The following ENAH variants were observed in gnomAD, a reference collection of about 807,000 sequenced individuals.
ENAH encodes the protein ENAH actin regulator, also known as protein enabled homolog.
Under a neutral mutation model 78.7 loss-of-function variants are expected in ENAH, and 23 were observed. That is an observed-to-expected ratio of 0.29 (90% CI 0.21 to 0.41). The LOEUF is 0.41. Among genes scored for constraint, ENAH ranks in the 10% least tolerant of loss-of-function variants. ENAH has a pLI of 1.00. For missense variants in ENAH, 544 were observed against 691.0 expected (o/e 0.79, Z 2.39); for synonymous variants, 226 against 241.0 (o/e 0.94, Z 0.58).
At position 225,494,256 on chromosome 1, in the gene ENAH, A is replaced by G. The variant is rs1287474871; in HGVS notation, c.*3519T>C. The G allele has an allele frequency of 6.6e-6, 1 of 152,106 alleles. No individual in the cohort carries two copies. Among genetic ancestry groups the G allele is most frequent in the Non-Finnish European group, 1.5e-5 (1 of 67,996 alleles). The allele number at this position is 152,106 out of a possible 1,614,324, so 9.4% of individuals were successfully genotyped here. On this transcript the variant is annotated 3_prime_UTR_variant, in exon 14 of 14. Coordinates refer to ENST00000366843, the MANE Select transcript of ENAH (RefSeq NM_018212.6). ...TTTTTGTATTTCTAATGAAGACATC[A>G]GAATTATAAAATGGAACTCAAAATT... is the stretch of plus-strand genomic sequence containing the variant.
chr1:225,544,359 G>A (rs148184166), intron 3 of ENAH, among the ~76,000 whole-genome samples: 99 of 152,314 alleles, frequency 6.5e-4, no homozygotes, highest in Non-Finnish European at 1.1e-3. Context: ...TAGCACCACT[G>A]AATAAAGATC....
Position 225,512,935 on chromosome 1 carries a change from T to C in ENAH, c.1300A>G (p.Asn434Asp). 2 of 1,614,050 alleles carry C rather than the reference T, an allele frequency of 1.2e-6. No homozygotes were observed. The highest frequency in any genetic ancestry group is 1.7e-6 in the Non-Finnish European group (2 of 1,179,958). The stretch of plus-strand genomic sequence containing the variant: ...CTACCCCCTAAAGGAAGGGGTCCAT[T>C]TCCACGGCCTGTATCTGTTTTAGAT... ...ASSKTDTGRGNGPLPLGGSGL... is the reference protein window; with the variant it reads ...ASSKTDTGRGDGPLPLGGSGL... Residue 434 changes from asparagine (N) to aspartate (D), a missense_variant, in exon 8 of 14, where the codon AAT (asparagine) becomes GAT (aspartate). Physicochemically the swap from Asn to Asp is conservative, Grantham distance 23. Around this residue, in one of 4 missense-constraint regions of ENAH, gnomAD observed 366 missense variants for 396.1 expected, o/e 0.92. Transcript: ENST00000366843.
intron 4 of ENAH, among the ~76,000 whole-genome samples, chr1:225,523,140 T>C (rs1462914549): frequency 1.3e-5 from 2 of 152,048 alleles, no homozygotes; most frequent in Non-Finnish European, 2.9e-5. Context: ...CTTACATTAT[T>C]AACATGATAA....
At chr1:225,597,141 T>C (rs1313713633) in intron 1 of ENAH, among the ~76,000 whole-genome samples, 2 of 152,232 alleles carry the variant, frequency 1.3e-5, no homozygotes, top group Non-Finnish European at 2.9e-5. Context: ...CTATTATTTA[T>C]GTTTCCATTC....
chr1:225,500,247 G>A (rs988380463), intron 12 of ENAH, among the ~76,000 whole-genome samples: 1 of 152,158 alleles, frequency 6.6e-6, no homozygotes, highest in Non-Finnish European at 1.5e-5. Context: ...CCTCTTCTGT[G>A]AATAAGGTAT....
chr1:225,602,281 T>C (rs2096934852), intron 1 of ENAH, among the ~76,000 whole-genome samples: 1 of 152,180 alleles, frequency 6.6e-6, no homozygotes, highest in Non-Finnish European at 1.5e-5. Flanking sequence ...CTTTTTTTAA[T>C]AGGTGGATTC....
intron 2 of ENAH, among the ~76,000 whole-genome samples, chr1:225,561,552 T>C (rs946080610): frequency 4.7e-5 from 7 of 147,892 alleles, no homozygotes; most frequent in African/African-American, 1.5e-4. Flanking sequence ...AACCAGGGAG[T>C]TGAAGGTTGC....
chr1:225,642,686 G>A (rs1446201548), intron 1 of ENAH, among the ~76,000 whole-genome samples: 1 of 152,080 alleles, frequency 6.6e-6, no homozygotes, highest in East Asian at 1.9e-4. Context: ...TTGTTAAACA[G>A]CAGTAATATC....
intron 1 of ENAH, among the ~76,000 whole-genome samples, chr1:225,633,174 C>T (rs935809721): frequency 1.3e-5 from 2 of 151,830 alleles, no homozygotes; most frequent in Non-Finnish European, 2.9e-5. Flanking sequence ...TCCTGAATAG[C>T]TGGAACTACA....
At chr1:225,519,715 G>T in intron 4 of ENAH, 150 bp from the exon 5 acceptor site, 2 of 1,193,682 alleles carry the variant, frequency 1.7e-6, no homozygotes, top group Non-Finnish European at 2.3e-6. Flanking sequence ...AGGCTACCTT[G>T]GATAGAGACT....
At position 225,519,241 on chromosome 1, in the gene ENAH, CCTTTCT is replaced by C. The variant is rs1558742913; in HGVS notation, c.753_758del (p.Arg253_Glu254del). ...GCTCTCTCTCCCATTCCAGCTGTTC[CCTTTCT>C]AACTGCTCTTGTCGCTCCCTTTCTT... On this transcript the variant is annotated inframe_deletion, in exon 5 of 14. Transcript: ENST00000366843. The C allele has an allele frequency of 6.2e-7, 1 of 1,614,076 alleles. No individual in the cohort carries two copies. The highest frequency in any genetic ancestry group is 8.5e-7 in the Non-Finnish European group (1 of 1,180,048).
At chr1:225,574,538 G>A (rs2096778305) in intron 1 of ENAH, among the ~76,000 whole-genome samples, 1 of 151,834 alleles carries the variant, frequency 6.6e-6, no homozygotes, top group African/African-American at 2.4e-5. Context: ...GGAGGCAGAG[G>A]TTGCCGTGAG....
At chr1:225,626,423 G>A (rs1657960794) in intron 1 of ENAH, among the ~76,000 whole-genome samples, 1 of 152,216 alleles carries the variant, frequency 6.6e-6, no homozygotes, top group African/African-American at 2.4e-5. Flanking sequence ...GGGGCCTTTG[G>A]GAGGTGAATA....
At chr1:225,625,161 C>A (rs541106897) in intron 1 of ENAH, among the ~76,000 whole-genome samples, 2 of 152,294 alleles carry the variant, frequency 1.3e-5, no homozygotes, top group Non-Finnish European at 2.9e-5. Context: ...TATGAAAAAT[C>A]CTTAGGCTAT....
At chr1:225,514,020 A>G (rs2096397512) in intron 7 of ENAH, among the ~76,000 whole-genome samples, 2 of 152,242 alleles carry the variant, frequency 1.3e-5, no homozygotes, top group South Asian at 4.2e-4. Context: ...TGCATGTGTA[A>G]AGAAGGAAAC....
intron 8 of ENAH, 37 bp from the exon 9 acceptor site, chr1:225,512,751 T>C (rs369972626): frequency 1.7e-5 from 28 of 1,611,188 alleles, no homozygotes; most frequent in Middle Eastern, 3.3e-4. Context: ...AAAAATATTA[T>C]CTGATTCAGT....
At chr1:225,616,059 T>A (rs948465286) in intron 1 of ENAH, among the ~76,000 whole-genome samples, 5 of 152,218 alleles carry the variant, frequency 3.3e-5, no homozygotes, top group Non-Finnish European at 5.9e-5. Flanking sequence ...AAACATGTGC[T>A]GTGTCCACTC....
Position 225,487,875 on chromosome 1 carries a change from T to A in ENAH, c.*9900A>T, listed in dbSNP as rs1400670736. ...TCCATCCTTTTGGACCATAAGAAAT[T>A]CACTTTTAAATTTTTTCTACTGTGC... is the stretch of plus-strand genomic sequence containing the variant. On this transcript the variant is annotated 3_prime_UTR_variant, in exon 14 of 14. Transcript: ENST00000366843. 6.6e-6 allele frequency: 1 copy of A among 152,160 alleles called. No individual in the cohort carries two copies. The highest frequency in any genetic ancestry group is 1.5e-5 in the Non-Finnish European group (1 of 68,026). 9.4% of individuals were successfully genotyped at this position (152,160 alleles called of 1,614,324 possible).
At chr1:225,651,594 G>GT (rs1220568537) in intron 1 of ENAH, among the ~76,000 whole-genome samples, 1 of 152,142 alleles carries the variant, frequency 6.6e-6, no homozygotes, top group Non-Finnish European at 1.5e-5. Context: ...CAAATGAACT[G>GT]TAAGACTATC....
Sources: allele counts gnomAD v4.1 joint callset (sites outside exome capture counted in the v4.1 genomes callset), GRCh38; gene constraint gnomAD v4.1.1; regional missense constraint gnomAD v4.1.1; transcripts MANE v1.5; gene names NCBI Gene and HGNC (gene_info 2026-07-23, HGNC 2026-07-21).